Variants in PLEKHG4B observed in about 807,000 individuals in gnomAD.
The protein encoded by PLEKHG4B is pleckstrin homology and RhoGEF domain containing G4B, also known as pleckstrin homology domain-containing family G member 4B.
Under a neutral mutation model 121.3 loss-of-function variants are expected in PLEKHG4B, and 111 were observed. That is an observed-to-expected ratio of 0.92 (90% CI 0.78 to 1.07). The LOEUF is 1.07. PLEKHG4B is among the 50% of genes least tolerant of loss of function. The pLI, the probability that PLEKHG4B is intolerant of heterozygous loss-of-function variation, is 0.00. For synonymous variants in PLEKHG4B, 738 were observed against 725.0 expected, an observed-to-expected ratio of 1.02 and a Z score of -0.29; for missense variants, 1,831 against 1,757.8, an observed-to-expected ratio of 1.04 and a Z score of -0.74.
chr5:104,030 C>T (rs1213075760), intron 1 of PLEKHG4B, among the ~76,000 whole-genome samples: 1 of 151,972 alleles, frequency 6.6e-6, no homozygotes, highest in South Asian at 2.1e-4. Flanking sequence ...CCTAAACAAC[C>T]TCAGCCCAGT....
chr5:164,565 AGG>A (rs759346973), intron 13 of PLEKHG4B, among the ~76,000 whole-genome samples: 681 of 34,034 alleles, frequency 0.02, 43 homozygotes, highest in Middle Eastern at 0.097. Flanking sequence ...ATGCTCTGAC[AGG>A]GGGCGGAGCT....
At chr5:134,846 C>G (rs1259423194) in intron 2 of PLEKHG4B, among the ~76,000 whole-genome samples, 3 of 151,194 alleles carry the variant, frequency 2.0e-5, no homozygotes, top group African/African-American at 7.3e-5. Flanking sequence ...AAAATCAACA[C>G]AAATCAGTTG....
At position 159,449 on chromosome 5, in the gene PLEKHG4B, C is replaced by T. The variant is rs953403055; in HGVS notation, c.2488-2334C>T. The stretch of plus-strand genomic sequence containing the variant: ...TTTCTGTCCTGTTGCCTTAATTTTC[C>T]CCACCCCTGGCTGTGTGCTGTCCTT... On this transcript the variant is annotated intron_variant, in intron 11 of 19. Transcript: ENST00000637938. The surrounding 1 kb of genome is among the most constrained non-coding windows in gnomAD (Gnocchi z 5.5). Among the ~76,000 whole-genome samples, 1 of 152,194 alleles carries T rather than the reference C, an allele frequency of 6.6e-6. No individual in the cohort carries two copies. Among genetic ancestry groups the T allele is most frequent in the Non-Finnish European group, 1.5e-5 (1 of 68,026 alleles).
In PLEKHG4B at chr5:169,347, C is replaced by T; in HGVS notation, c.3484C>T (p.Leu1162=). The part of the protein sequence containing the change: ...DGRQQVGSSR[L]RHIMAEMIAT... ...GATCTCTGTGTCTTCCAGCAGCCGA[C>T]TGAGGCACATCATGGCCGAGATGAT... Residue 1162 remains leucine (L), a synonymous_variant, in exon 14 of 20, where the codon CTG becomes TTG. Coordinates refer to ENST00000637938, the MANE Select transcript of PLEKHG4B (RefSeq NM_052909.5). 6.2e-7 allele frequency: 1 copy of T among 1,613,956 alleles called. No individual in the cohort carries two copies. The highest frequency in any genetic ancestry group is 8.5e-7 in the Non-Finnish European group (1 of 1,179,934).
intron 7 of PLEKHG4B, among the ~76,000 whole-genome samples, chr5:154,450 C>T (rs547542701): frequency 2.0e-5 from 3 of 151,758 alleles, no homozygotes; most frequent in South Asian, 2.1e-4. Flanking sequence ...CTGCTGGCCC[C>T]GCATGCATCA....
chr5:147,750 T>C (rs550482978), intron 6 of PLEKHG4B, among the ~76,000 whole-genome samples: 1 of 152,276 alleles, frequency 6.6e-6, no homozygotes, highest in East Asian at 1.9e-4. Context: ...GATGCCAGCA[T>C]TACCCTGATA....
chr5:152,175 C>A (rs7710933), intron 7 of PLEKHG4B, among the ~76,000 whole-genome samples: 28,435 of 150,902 alleles, frequency 0.19, 3,730 homozygotes, highest in African/African-American at 0.37. Context: ...CTATCACCAC[C>A]TTTAGGACCT....
At chr5:170,919 T>C (rs930947720) in intron 14 of PLEKHG4B, 124 bp from the exon 15 acceptor site, 48 of 697,430 alleles carry the variant, frequency 6.9e-5, no homozygotes, top group Non-Finnish European at 1.1e-4. Context: ...CACCTGATCA[T>C]GGTACAAACT....
chr5:141,967 C>A (rs1049286703), intron 3 of PLEKHG4B, among the ~76,000 whole-genome samples: 1 of 152,166 alleles, frequency 6.6e-6, no homozygotes, highest in African/African-American at 2.4e-5. Context: ...GGCACCACAG[C>A]CCTTGGAAAC....
chr5:163,427 AC>A lies in PLEKHG4B; in HGVS notation c.3356del (p.Thr1119LysfsTer44). 6.2e-7 allele frequency: 1 copy of A among 1,613,028 alleles called. No individual in the cohort carries two copies. Among genetic ancestry groups the A allele is most frequent in the Non-Finnish European group, 8.5e-7 (1 of 1,180,030 alleles). ...KGLEVTSTVA[T>X]EKKLPLWQHA... ...CCTGGAGGTAACCAGCACTGTAGCC[AC>A]AGAGAAGAAGCTCCCGCTGTGGCAG... On this transcript the variant is annotated frameshift_variant, in exon 13 of 20. Transcript: ENST00000637938. LOFTEE classifies it high-confidence loss of function.
intron 2 of PLEKHG4B, among the ~76,000 whole-genome samples, chr5:122,857 A>T (rs972631631): frequency 6.6e-6 from 1 of 151,962 alleles, no homozygotes; most frequent in African/African-American, 2.4e-5. Context: ...CCAGAGACAG[A>T]TAGGGACAAT....
intron 1 of PLEKHG4B, among the ~76,000 whole-genome samples, chr5:100,003 T>C (rs1733754890): frequency 6.6e-6 from 1 of 152,148 alleles, no homozygotes; most frequent in South Asian, 2.1e-4. Context: ...TCCTTTGTTC[T>C]GTTAATGTGG....
intron 2 of PLEKHG4B, among the ~76,000 whole-genome samples, chr5:130,285 A>C (rs1328810800): frequency 1.3e-5 from 2 of 152,250 alleles, no homozygotes; most frequent in Non-Finnish European, 2.9e-5. Flanking sequence ...TGAAACACTA[A>C]GAGCCAATAG....
chr5:164,725 CTAATACTCTGACGGGGCGGGGCTCACAG>C (rs1736214960), intron 13 of PLEKHG4B, among the ~76,000 whole-genome samples: 2 of 57,992 alleles, frequency 3.4e-5, no homozygotes. Context: ...GGAGCTCACA[CTAATACTCTGACGGGGCGGGGCTCACAG>C]TAATCCTCTG....
Position 173,971 on chromosome 5 carries a change from G to A in PLEKHG4B, c.4275G>A (p.Glu1425=), listed in dbSNP as rs1284529471. ...ENVGDSGLRF[E]IWFRRRRKSQ... ...TCGGGGACAGTGGCTTGAGGTTTGA[G>A]ATTTGGTTTCGCAGGCGGCGGAAAT... is the stretch of plus-strand genomic sequence containing the variant. Residue 1425 remains glutamate, a synonymous_variant, in exon 18 of 20, where the codon GAG becomes GAA. Transcript: ENST00000637938. 1 of 1,613,182 alleles carries A rather than the reference G, an allele frequency of 6.2e-7. No homozygotes were observed. The highest frequency in any genetic ancestry group is 8.5e-7 in the Non-Finnish European group (1 of 1,179,754).
rs575863476 is a variant in PLEKHG4B, at chr5:139,279, C to T, written c.244-204C>T. Among the ~76,000 whole-genome samples, 32 of 152,338 alleles carry T rather than the reference C, an allele frequency of 2.1e-4. No homozygotes were observed. Among genetic ancestry groups the T allele is most frequent in the African/African-American group, 6.3e-4 (26 of 41,584 alleles). On this transcript the variant is annotated intron_variant, in intron 2 of 19. Transcript: ENST00000637938. The surrounding 1 kb of genome is among the most constrained non-coding windows in gnomAD (Gnocchi z 5.0). ...GCTATACAATTGCTTTTTTAACTGACCCCTGAACCAAAGAGCAGCCCGTGT... is the reference window on the plus strand; with the variant it reads ...GCTATACAATTGCTTTTTTAACTGATCCCTGAACCAAAGAGCAGCCCGTGT...
intron 18 of PLEKHG4B, 64 bp downstream of exon 18, chr5:174,162 G>A: frequency 2.5e-6 from 3 of 1,215,996 alleles, no homozygotes; most frequent in East Asian, 2.9e-5. Flanking sequence ...AGGGGTCGGG[G>A]CTGGGACTGG....
intron 16 of PLEKHG4B, 103 bp from the exon 17 acceptor site, chr5:172,793 TC>T: frequency 7.6e-7 from 1 of 1,314,968 alleles, no homozygotes; most frequent in African/African-American, 1.4e-5. Flanking sequence ...TGGCTGCTGT[TC>T]CGTCTTGTCA....
chr5:158,728 C>T (rs1040477894), intron 11 of PLEKHG4B, among the ~76,000 whole-genome samples: 4 of 148,646 alleles, frequency 2.7e-5, no homozygotes, highest in Non-Finnish European at 4.5e-5. Context: ...TTCCCTTCCT[C>T]GTTCTACTCC....
Sources: gnomAD v4.1 joint callset for allele counts (sites outside exome capture counted in the v4.1 genomes callset) on GRCh38, gnomAD v4.1.1 for gene constraint, Gnocchi (gnomAD v3.1) non-coding constraint, MANE v1.5 for transcripts, NCBI Gene and HGNC (gene_info 2026-07-23, HGNC 2026-07-21) for gene names.